Variants in LPP observed in about 807,000 individuals in gnomAD.
LPP encodes the protein lipoma-preferred partner.
In LPP, 38 loss-of-function variants were observed where a neutral mutation model predicts 60.4. That is an observed-to-expected ratio of 0.63 (90% CI 0.49 to 0.83). The LOEUF is 0.83. LPP is among the 40% of genes least tolerant of loss of function. The pLI, the probability that LPP is intolerant of heterozygous loss-of-function variation, is 0.00. For missense variants in LPP, 902 were observed against 783.6 expected, an observed-to-expected ratio of 1.15 and a Z score of -1.80; for synonymous variants, 328 against 290.8, an observed-to-expected ratio of 1.13 and a Z score of -1.30.
chr3:188,183,173 G>A (rs944674906), intron 1 of LPP, among the ~76,000 whole-genome samples: 3 of 152,148 alleles, frequency 2.0e-5, no homozygotes, highest in Non-Finnish European at 4.4e-5. Flanking sequence ...TCTTGTCCTC[G>A]GATCTCTGAG....
intron 7 of LPP, among the ~76,000 whole-genome samples, chr3:188,669,082 C>T (rs1361233596): frequency 6.6e-6 from 1 of 152,070 alleles, no homozygotes; most frequent in Non-Finnish European, 1.5e-5. Flanking sequence ...AGCATGTGAA[C>T]ATATGATTTT....
rs1039390312 is a variant in LPP at position 188,344,935 on chromosome 3, C to A, written c.-10+3216C>A. Among the ~76,000 whole-genome samples the A allele has an allele frequency of 2.0e-5, 3 of 152,276 alleles. No individual in the cohort carries two copies. In the South Asian group the frequency reaches 6.2e-4, roughly 32 times the overall value. On this transcript the variant is annotated intron_variant, in intron 3 of 11. Transcript: ENST00000617246. ...TAAGACCGTTAGGAAGAGGTGGATG[C>A]TTCTTCCATTATTTGATTTTTCCAG... is the stretch of plus-strand genomic sequence containing the variant.
At chr3:188,382,844 T>A (rs1777259190) in intron 3 of LPP, among the ~76,000 whole-genome samples, 1 of 152,226 alleles carries the variant, frequency 6.6e-6, no homozygotes, top group African/African-American at 2.4e-5. Flanking sequence ...TCTTTCCTGG[T>A]TCCCCCTCTT....
At chr3:188,557,607 A>G (rs1030216312) in intron 6 of LPP, among the ~76,000 whole-genome samples, 4 of 152,096 alleles carry the variant, frequency 2.6e-5, no homozygotes, top group African/African-American at 9.7e-5. Context: ...CTATATTTAT[A>G]CTTCTCACCT....
Position 188,572,692 on chromosome 3 carries a change from C to G in LPP, c.430-36469C>G, listed in dbSNP as rs1244538997. Among the ~76,000 whole-genome samples, 1 of 152,030 alleles carries G rather than the reference C, an allele frequency of 6.6e-6. No homozygotes were observed. The highest frequency in any genetic ancestry group is 6.6e-5 in the Admixed American group (1 of 15,246). ...TTAAATTGAATGATAGGGGTGTAAG[C>G]ACTTTGTAAATCCAAGTAAGAATTA... On this transcript the variant is annotated intron_variant, in intron 6 of 11. Coordinates refer to ENST00000617246, the MANE Select transcript of LPP (RefSeq NM_001375462.1). The surrounding 1 kb of genome is among the most constrained non-coding windows in gnomAD (Gnocchi z 4.1).
At chr3:188,423,246 A>G (rs1788350792) in intron 4 of LPP, among the ~76,000 whole-genome samples, 1 of 152,092 alleles carries the variant, frequency 6.6e-6, no homozygotes. Flanking sequence ...GATGGTTTCC[A>G]GCTTCATCCA....
In LPP at chr3:188,608,775, A is replaced by G. The variant is rs78170711; in HGVS notation, c.430-386A>G. On this transcript the variant is annotated intron_variant, in intron 6 of 11. Transcript: ENST00000617246. ...AACTTTGGGTAGGATATACATTCTA[A>G]CAATATCAAGTCTTTCAACCTATGA... 3.1e-3 allele frequency among the ~76,000 whole-genome samples: 474 copies of G among 152,296 alleles called. 1 individual carries two copies. Among genetic ancestry groups the G allele is most frequent in the African/African-American group, 0.01 (424 of 41,560 alleles).
At chr3:188,836,247 T>A (rs1465680847) in intron 9 of LPP, among the ~76,000 whole-genome samples, 1 of 152,254 alleles carries the variant, frequency 6.6e-6, no homozygotes, top group East Asian at 1.9e-4. Flanking sequence ...AACTCTTTGA[T>A]GTTGTCTTTT....
At chr3:188,380,332 G>C (rs548436584) in intron 3 of LPP, among the ~76,000 whole-genome samples, 2 of 152,366 alleles carry the variant, frequency 1.3e-5, no homozygotes, top group African/African-American at 4.8e-5. Flanking sequence ...GCATTTTCAT[G>C]GCAAACCCTA....
At chr3:188,648,571 T>C (rs138637114) in intron 7 of LPP, among the ~76,000 whole-genome samples, 1 of 152,342 alleles carries the variant, frequency 6.6e-6, no homozygotes, top group African/African-American at 2.4e-5. Flanking sequence ...GATCTCTGTC[T>C]TCTGTCCTGT....
chr3:188,368,697 CACACACACACACACACACACACAGAG>C (rs1233069761), intron 3 of LPP, among the ~76,000 whole-genome samples: 1 of 117,718 alleles, frequency 8.5e-6, no homozygotes, highest in Non-Finnish European at 1.8e-5. Context: ...CACACACACA[CACACACACACACACACACACACAGAG>C]AGAGAGAGAG....
At chr3:188,187,462 A>G (rs1726935096) in intron 1 of LPP, among the ~76,000 whole-genome samples, 1 of 151,842 alleles carries the variant, frequency 6.6e-6, no homozygotes. Context: ...ATAATAAATA[A>G]GCTTCTTATT....
rs1421543565 is a variant in LPP, at chr3:188,522,831, GTA to G, written c.307-1832_307-1831del. On this transcript the variant is annotated intron_variant, in intron 5 of 11. Coordinates refer to ENST00000617246, the MANE Select transcript of LPP (RefSeq NM_001375462.1). ...TATATATATATGTGTATGTGTGTGTGTATGTGTGTGTACGTGTGTGTATGTGT... is the reference window on the plus strand; with the variant it reads ...TATATATATATGTGTATGTGTGTGTGTGTGTGTGTACGTGTGTGTATGTGT... Among the ~76,000 whole-genome samples, 350 of 146,390 alleles carry G rather than the reference GTA, an allele frequency of 2.4e-3. 4 individuals are homozygous for G. Among genetic ancestry groups the G allele is most frequent in the African/African-American group, 8.3e-3 (332 of 39,870 alleles).
chr3:188,546,414 ACATG>A (rs1450525067), intron 6 of LPP, among the ~76,000 whole-genome samples: 1 of 137,024 alleles, frequency 7.3e-6, no homozygotes, highest in Non-Finnish European at 1.5e-5. Context: ...GGGAGGAAAC[ACATG>A]CAGGAGTATC....
intron 9 of LPP, among the ~76,000 whole-genome samples, chr3:188,809,093 T>C (rs143944142): frequency 0.012 from 1,807 of 152,280 alleles, 38 homozygotes; most frequent in African/African-American, 0.041. Context: ...TGATGGACAT[T>C]TGGGTTGGTT....
At chr3:188,465,528 G>C (rs1175354736) in intron 4 of LPP, among the ~76,000 whole-genome samples, 1 of 152,164 alleles carries the variant, frequency 6.6e-6, no homozygotes, top group African/African-American at 2.4e-5. Context: ...TCATTCCAAA[G>C]AATGTGTGTG....
chr3:188,693,108 C>G (rs563283943), intron 7 of LPP, among the ~76,000 whole-genome samples: 1 of 152,292 alleles, frequency 6.6e-6, no homozygotes, highest in East Asian at 1.9e-4. Context: ...CACATAATTA[C>G]ATGAAACTCA....
At chr3:188,663,760 TG>T (rs760376231) in intron 7 of LPP, among the ~76,000 whole-genome samples, 9 of 152,122 alleles carry the variant, frequency 5.9e-5, no homozygotes, top group Non-Finnish European at 1.3e-4. Flanking sequence ...AACCCAGGGT[TG>T]GTGGGGTAGG....
chr3:188,449,252 A>G (rs1189906348), intron 4 of LPP, among the ~76,000 whole-genome samples: 1 of 152,204 alleles, frequency 6.6e-6, no homozygotes, highest in Admixed American at 6.5e-5. Flanking sequence ...TCTTATTAAT[A>G]GTCCTTGAAG....
Sources: gnomAD v4.1 joint callset for allele counts (sites outside exome capture counted in the v4.1 genomes callset) on GRCh38, gnomAD v4.1.1 for gene constraint, Gnocchi (gnomAD v3.1) non-coding constraint, MANE v1.5 for transcripts, NCBI Gene and HGNC (gene_info 2026-07-23, HGNC 2026-07-21) for gene names.